UIMC1: variants seen among roughly 807,000 people sequenced by gnomAD.
UIMC1 encodes BRCA1-A complex subunit RAP80.
A neutral mutation model predicts 84.9 loss-of-function variants in UIMC1; 42 were observed. That is an observed-to-expected ratio of 0.49 (90% CI 0.39 to 0.64). UIMC1 has a LOEUF of 0.64. Ranked by LOEUF, UIMC1 falls within the 30% of genes least tolerant of loss-of-function variation. UIMC1 has a pLI of 0.00. For synonymous variants in UIMC1, 281 were observed against 293.0 expected, an observed-to-expected ratio of 0.96 and a Z score of 0.42; for missense variants, 825 against 847.6, an observed-to-expected ratio of 0.97 and a Z score of 0.33.
chr5:177,010,801 C>A (rs368082184), upstream of UIMC1, among the ~76,000 whole-genome samples: 1 of 151,980 alleles, frequency 6.6e-6, no homozygotes, highest in African/African-American at 2.4e-5. Context: ...CAACCGGGTC[C>A]GGCCAGAGGA....
At chr5:176,946,591 T>C (rs982349203) in intron 9 of UIMC1, among the ~76,000 whole-genome samples, 1 of 151,964 alleles carries the variant, frequency 6.6e-6, no homozygotes, top group African/African-American at 2.4e-5. Flanking sequence ...TCCCAGCACT[T>C]TGGGAGGCCA....
chr5:176,968,946 G>T lies in UIMC1; in HGVS notation c.809C>A (p.Thr270Asn). 6.2e-7 allele frequency: 1 copy of T among 1,614,170 alleles called. No individual in the cohort carries two copies. Among genetic ancestry groups the T allele is most frequent in the Non-Finnish European group, 8.5e-7 (1 of 1,180,032 alleles). The part of the protein sequence containing the change: ...TLADAKGLQD[T>N]GGTVNYFWGI... ...CCAGAAATAGTTCACAGTGCCCCCA[G>T]TGTCCTGGAGACCTTTGGCATCTGC... is the stretch of plus-strand genomic sequence containing the variant. The change falls in exon 6 of 15, where the codon ACT becomes AAT. Residue 270 changes from threonine (T) to asparagine (N), a missense_variant. Transcript: ENST00000511320.
intron 1 of UIMC1, among the ~76,000 whole-genome samples, chr5:176,986,229 G>A (rs758109135): frequency 2.0e-5 from 3 of 151,362 alleles, no homozygotes; most frequent in Non-Finnish European, 4.4e-5. Flanking sequence ...GCGTGGTGGC[G>A]TGTGACTATA....
At chr5:176,974,831 G>C (rs1769813936) in intron 3 of UIMC1, among the ~76,000 whole-genome samples, 1 of 151,736 alleles carries the variant, frequency 6.6e-6, no homozygotes, top group Non-Finnish European at 1.5e-5. Flanking sequence ...AAAATAAAAA[G>C]GAATCATAAA....
At chr5:176,974,466 T>A (rs777323924) in intron 3 of UIMC1, among the ~76,000 whole-genome samples, 1 of 152,120 alleles carries the variant, frequency 6.6e-6, no homozygotes, top group Non-Finnish European at 1.5e-5. Context: ...GAAATCTTCA[T>A]AACCTTAGCG....
At position 176,975,314 on chromosome 5, in the gene UIMC1, C is replaced by T. The variant is rs918001808; in HGVS notation, c.232+82G>A. On this transcript the variant is annotated intron_variant, in intron 3 of 14. Coordinates refer to ENST00000511320, the MANE Select transcript of UIMC1 (RefSeq NM_001199298.2). ...TGAATCTATCAGAGACCTAAGAATGCAACATAATCAACTAGTCCAAAATGT... is the reference window on the plus strand; with the variant it reads ...TGAATCTATCAGAGACCTAAGAATGTAACATAATCAACTAGTCCAAAATGT... 30 of 1,358,822 alleles carry T rather than the reference C, an allele frequency of 2.2e-5. No individual in the cohort carries two copies. The East Asian group carries it at 7.0e-4, about 32-fold the overall frequency. 84.2% of individuals were successfully genotyped at this position (1,358,822 alleles called of 1,614,324 possible).
rs540370604 is a variant in UIMC1, at chr5:176,975,549, T to TC, written c.148-70dup. 25 of 1,501,750 alleles carry TC rather than the reference T, an allele frequency of 1.7e-5. No homozygotes were observed. In the East Asian group the frequency reaches 5.6e-4, roughly 34 times the overall value. 93.0% of individuals were successfully genotyped at this position (1,501,750 alleles called of 1,614,324 possible). Reference sequence around the variant, plus strand: ...AGTAGTGATTTCTCTCTCTTCTACCTCCCCTATGGCTAAGAGAGGCCTCTG... The same window carrying TC: ...AGTAGTGATTTCTCTCTCTTCTACCTCCCCCTATGGCTAAGAGAGGCCTCTG... On this transcript the variant is annotated intron_variant, in intron 2 of 14. Coordinates refer to ENST00000511320, the MANE Select transcript of UIMC1 (RefSeq NM_001199298.2).
At chr5:177,001,575 A>G (rs1373372266) in intron 1 of UIMC1, 2 of 152,162 alleles carry the variant, frequency 1.3e-5, no homozygotes, top group Non-Finnish European at 2.9e-5. Flanking sequence ...TTTAGTAGAC[A>G]TAAACAAGCT....
At chr5:176,967,525 T>A (rs1561842870) in intron 6 of UIMC1, among the ~76,000 whole-genome samples, 1 of 152,106 alleles carries the variant, frequency 6.6e-6, no homozygotes, top group Non-Finnish European at 1.5e-5. Context: ...GGGAGAAAAG[T>A]TAAGACTTTT....
At chr5:176,967,716 A>G (rs1484749137) in intron 6 of UIMC1, among the ~76,000 whole-genome samples, 1 of 152,084 alleles carries the variant, frequency 6.6e-6, no homozygotes, top group Non-Finnish European at 1.5e-5. Flanking sequence ...CAGCCTGGGC[A>G]ACAAAGTGAA....
exon 1 of UIMC1, chr5:177,022,559 C>G: frequency 1.7e-6 from 1 of 604,748 alleles, no homozygotes; most frequent in South Asian, 2.4e-5. Context: ...TCCGAATCCA[C>G]GGCACACGCT....
intron 10 of UIMC1, among the ~76,000 whole-genome samples, chr5:176,935,096 C>T (rs1480781376): frequency 6.6e-6 from 1 of 152,166 alleles, no homozygotes; most frequent in African/African-American, 2.4e-5. Context: ...ATTTTAGTAA[C>T]ACTCACCAAT....
chr5:176,915,192 T>C (rs1348819333), intron 10 of UIMC1, among the ~76,000 whole-genome samples: 4 of 151,988 alleles, frequency 2.6e-5, no homozygotes, highest in Non-Finnish European at 4.4e-5. Context: ...GTCTTCCTTC[T>C]ACACCATGCA....
chr5:176,915,129 C>T (rs1255141002), intron 10 of UIMC1, among the ~76,000 whole-genome samples: 1 of 152,126 alleles, frequency 6.6e-6, no homozygotes, highest in African/African-American at 2.4e-5. Flanking sequence ...TAGTACTGTC[C>T]ATATACCACT....
Position 176,943,356 on chromosome 5 carries a change from C to G in UIMC1, c.1576G>C (p.Gly526Arg). 1 of 1,613,976 alleles carries G rather than the reference C, an allele frequency of 6.2e-7. No homozygotes were observed. Residue 526 changes from glycine (G) to arginine (R), a missense_variant, in exon 10 of 15, where the codon GGT becomes CGT. Coordinates refer to ENST00000511320, the MANE Select transcript of UIMC1 (RefSeq NM_001199298.2). ...TTACCTGTATCTTCCTCCATCAGAC[C>G]ATTGCAGTACATGGCATGTCGTTCA... is the stretch of plus-strand genomic sequence containing the variant. The part of the protein sequence containing the change: ...KIERHAMYCN[G>R]LMEEDTVLTR...
At chr5:177,016,685 C>T (rs1775678210) in intron 1 of UIMC1, among the ~76,000 whole-genome samples, 1 of 151,592 alleles carries the variant, frequency 6.6e-6, no homozygotes, top group African/African-American at 2.4e-5. Context: ...CATGCCACTG[C>T]ACTCCAGCCT....
intron 9 of UIMC1, among the ~76,000 whole-genome samples, chr5:176,947,942 A>G (rs549849323): frequency 3.5e-4 from 53 of 151,800 alleles, no homozygotes; most frequent in African/African-American, 1.3e-3. Context: ...ACCTCACTTC[A>G]AGAGAAATGA....
intron 1 of UIMC1, among the ~76,000 whole-genome samples, chr5:176,994,748 A>C (rs570278028): frequency 4.5e-4 from 69 of 152,224 alleles, no homozygotes; most frequent in Non-Finnish European, 8.4e-4. Context: ...GACAGTGCGA[A>C]ACTCATGGGG....
At chr5:176,966,280 T>C (rs1768283793) in intron 6 of UIMC1, among the ~76,000 whole-genome samples, 1 of 152,236 alleles carries the variant, frequency 6.6e-6, no homozygotes, top group South Asian at 2.1e-4. Context: ...ATCATTAAAA[T>C]AACTGTCGAA....
Sources: allele counts gnomAD v4.1 joint callset (sites outside exome capture counted in the v4.1 genomes callset), GRCh38; gene constraint gnomAD v4.1.1; transcripts MANE v1.5; gene names NCBI Gene and HGNC (gene_info 2026-07-23, HGNC 2026-07-21).